STPG2: variants seen among roughly 807,000 people sequenced by gnomAD.
STPG2 encodes sperm tail PG-rich repeat containing 2.
In STPG2, 56 loss-of-function variants were observed where a neutral mutation model predicts 54.2. The observed-to-expected ratio is 1.03, with a 90% confidence interval of 0.83 to 1.29. STPG2 has a LOEUF of 1.29. STPG2 is among the 50% of genes most tolerant of loss of function. The probability of loss-of-function intolerance (pLI) is 0.00; values close to 1 mark genes in which losing one functional copy is unlikely to be tolerated. For missense variants in STPG2, 596 were observed against 544.9 expected, an observed-to-expected ratio of 1.09 and a Z score of -0.93; for synonymous variants, 200 against 181.8, an observed-to-expected ratio of 1.10 and a Z score of -0.81.
chr4:97,650,525 C>T lies in STPG2; in HGVS notation c.1320+62174G>A, dbSNP rs535133121. Among the ~76,000 whole-genome samples, 31 of 152,206 alleles carry T rather than the reference C, an allele frequency of 2.0e-4. No homozygotes were observed. In the East Asian group the frequency reaches 6.0e-3, roughly 30 times the overall value. ...CTTCCAGGGTATAGGTAAATTTAAA[C>T]ATTCTCTAGTTGACAATTGGTCGAG... On this transcript the variant is annotated intron_variant, in intron 10 of 10. Transcript: ENST00000295268.
At chr4:97,681,699 T>G (rs1302996426) in intron 10 of STPG2, among the ~76,000 whole-genome samples, 3 of 151,818 alleles carry the variant, frequency 2.0e-5, no homozygotes, top group African/African-American at 4.8e-5. Context: ...CCAATCTATG[T>G]GTTAAAATAG....
chr4:97,849,686 G>A (rs1375959958), intron 8 of STPG2, among the ~76,000 whole-genome samples: 1 of 151,968 alleles, frequency 6.6e-6, no homozygotes, highest in Non-Finnish European at 1.5e-5. Flanking sequence ...ATCATCACTG[G>A]CCATCAGAGA....
intron 4 of STPG2, among the ~76,000 whole-genome samples, chr4:97,509,437 T>C (rs891212670): frequency 5.9e-5 from 9 of 152,122 alleles, no homozygotes; most frequent in Non-Finnish European, 2.9e-5. Context: ...TGTAATAATG[T>C]CTTGCCTTAA....
chr4:97,745,508 T>C (rs1725396960), intron 9 of STPG2, among the ~76,000 whole-genome samples: 1 of 151,156 alleles, frequency 6.6e-6, no homozygotes, highest in Non-Finnish European at 1.5e-5. Context: ...CTTTAAACTA[T>C]GCTATAATTA....
At chr4:98,040,597 GT>G (rs1736922420) in intron 5 of STPG2, among the ~76,000 whole-genome samples, 1 of 151,698 alleles carries the variant, frequency 6.6e-6, no homozygotes. Flanking sequence ...ATATGTTTTT[GT>G]TGACTTTATT....
intron 10 of STPG2, among the ~76,000 whole-genome samples, chr4:97,686,795 T>C (rs1723202505): frequency 6.6e-6 from 1 of 152,122 alleles, no homozygotes; most frequent in African/African-American, 2.4e-5. Flanking sequence ...AGTAAATCCA[T>C]TGCACTTAGT....
chr4:97,546,513 C>G (rs1459818766), intron 4 of STPG2, among the ~76,000 whole-genome samples: 1 of 151,914 alleles, frequency 6.6e-6, no homozygotes, highest in Non-Finnish European at 1.5e-5. Context: ...AGAGTATATT[C>G]AGTAATCTGA....
chr4:98,023,559 C>T (rs1440876788), intron 5 of STPG2, among the ~76,000 whole-genome samples: 1 of 152,178 alleles, frequency 6.6e-6, no homozygotes, highest in Non-Finnish European at 1.5e-5. Flanking sequence ...CTCTTTAAAG[C>T]TGTCAGACGG....
At chr4:97,571,838 A>G (rs1732608951) in intron 10 of STPG2, among the ~76,000 whole-genome samples, 1 of 152,098 alleles carries the variant, frequency 6.6e-6, no homozygotes, top group Non-Finnish European at 1.5e-5. Flanking sequence ...AAATCTCTTC[A>G]AATATTTTAG....
intron 9 of STPG2, among the ~76,000 whole-genome samples, chr4:97,787,590 T>C (rs976233618): frequency 6.6e-6 from 1 of 152,056 alleles, no homozygotes; most frequent in Non-Finnish European, 1.5e-5. Context: ...TCTTATATTG[T>C]AATCTATCTG....
intron 10 of STPG2, among the ~76,000 whole-genome samples, chr4:97,698,549 CA>C (rs1410598553): frequency 6.6e-6 from 1 of 152,108 alleles, no homozygotes. Context: ...TCTAGGCTAG[CA>C]AAATGTAATG....
At chr4:97,694,168 C>G (rs1023226974) in intron 10 of STPG2, among the ~76,000 whole-genome samples, 4 of 151,812 alleles carry the variant, frequency 2.6e-5, no homozygotes, top group African/African-American at 9.7e-5. Flanking sequence ...AAAATTAGAG[C>G]AGAATTGAAT....
intron 5 of STPG2, among the ~76,000 whole-genome samples, chr4:98,061,451 G>A (rs975361913): frequency 1.3e-5 from 2 of 152,112 alleles, no homozygotes; most frequent in Non-Finnish European, 2.9e-5. Flanking sequence ...CAGCTCTCAT[G>A]AGAACTAACA....
intron 5 of STPG2, among the ~76,000 whole-genome samples, chr4:98,002,087 A>G (rs1393430169): frequency 1.3e-5 from 2 of 152,094 alleles, no homozygotes; most frequent in Admixed American, 1.3e-4. Flanking sequence ...GGCATTTTCT[A>G]AGCCTAGTTA....
chr4:97,879,163 C>T (rs906544214), intron 8 of STPG2, among the ~76,000 whole-genome samples: 1 of 152,208 alleles, frequency 6.6e-6, no homozygotes, highest in African/African-American at 2.4e-5. Flanking sequence ...TTGGCCAAAG[C>T]CATTCAACAA....
At chr4:97,659,909 C>T (rs1430294648) in intron 10 of STPG2, among the ~76,000 whole-genome samples, 6 of 152,096 alleles carry the variant, frequency 3.9e-5, no homozygotes, top group Non-Finnish European at 7.3e-5. Flanking sequence ...ACTTCAACAA[C>T]AATTCATCAC....
intron 7 of STPG2, among the ~76,000 whole-genome samples, chr4:97,970,567 C>A (rs1275347564): frequency 6.6e-6 from 1 of 152,110 alleles, no homozygotes; most frequent in Non-Finnish European, 1.5e-5. Flanking sequence ...GGAAAGGATT[C>A]CCTATTTAAT....
In STPG2 at chr4:98,140,382, TAGAA is replaced by T. The variant is rs1740248262; in HGVS notation, c.109+2656_109+2659del. On this transcript the variant is annotated intron_variant, in intron 1 of 10. Transcript: ENST00000295268. ...TTTTCACAAATAATGTAATATATCT[TAGAA>T]AGATCACTCTTGCCACAAGATAGAA... 3.9e-5 allele frequency among the ~76,000 whole-genome samples: 6 copies of T among 152,262 alleles called. No homozygotes were observed. In the South Asian group the frequency reaches 1.2e-3, roughly 32 times the overall value.
intron 5 of STPG2, among the ~76,000 whole-genome samples, chr4:98,105,743 A>G (rs1407377095): frequency 6.6e-6 from 1 of 152,070 alleles, no homozygotes; most frequent in Non-Finnish European, 1.5e-5. Flanking sequence ...TAAAAAACCA[A>G]CTTAGGAGTC....
Sources: gnomAD v4.1 joint callset for allele counts (sites outside exome capture counted in the v4.1 genomes callset) on GRCh38, gnomAD v4.1.1 for gene constraint, MANE v1.5 for transcripts, NCBI Gene and HGNC (gene_info 2026-07-23, HGNC 2026-07-21) for gene names.